SLC35F4: variants seen among roughly 807,000 people sequenced by gnomAD.
SLC35F4 encodes the protein solute carrier family 35 member F4.
SLC35F4 carries 24 observed loss-of-function variants against 44.2 expected under a neutral mutation model. The observed-to-expected ratio is 0.54, with a 90% CI of 0.39 to 0.76. SLC35F4 has a LOEUF of 0.76. Among genes scored for constraint, SLC35F4 ranks in the 30% least tolerant of loss-of-function variants. The probability of loss-of-function intolerance (pLI) is 0.00; values close to 1 mark genes in which losing one functional copy is unlikely to be tolerated. For missense variants in SLC35F4, 562 were observed against 586.1 expected (o/e 0.96, Z 0.42); for synonymous variants, 238 against 223.6 (o/e 1.06, Z -0.57).
At chr14:57,596,609 C>T (rs1043027295) in intron 1 of SLC35F4, 3 of 449,794 alleles carry the variant, frequency 6.7e-6, no homozygotes, top group African/African-American at 6.0e-5. Context: ...GGCAATTATA[C>T]ATCAAAAGGA....
intron 1 of SLC35F4, among the ~76,000 whole-genome samples, chr14:57,858,536 T>TG (rs1566909954): frequency 6.6e-6 from 1 of 151,484 alleles, no homozygotes; most frequent in African/African-American, 2.4e-5. Flanking sequence ...GTTGTGGGGT[T>TG]GGGGGAGTGG....
intron 1 of SLC35F4, among the ~76,000 whole-genome samples, chr14:57,970,005 G>C (rs1200049387): frequency 2.6e-5 from 4 of 152,102 alleles, no homozygotes. Context: ...CAGAAACTAG[G>C]CTTCAAATTA....
intron 4 of SLC35F4, among the ~76,000 whole-genome samples, chr14:57,575,388 G>C (rs2068729634): frequency 6.6e-6 from 1 of 152,152 alleles, no homozygotes; most frequent in African/African-American, 2.4e-5. Context: ...GGTTGAGGCA[G>C]GAGAATCTCT....
chr14:57,685,973 T>A (rs2140317156), intron 1 of SLC35F4, among the ~76,000 whole-genome samples: 1 of 152,204 alleles, frequency 6.6e-6, no homozygotes, highest in East Asian at 1.9e-4. Context: ...AGAGTAGGTC[T>A]GAGCAGATCT....
chr14:57,792,693 C>T (rs1184034751), intron 1 of SLC35F4, among the ~76,000 whole-genome samples: 1 of 152,086 alleles, frequency 6.6e-6, no homozygotes, highest in Admixed American at 6.6e-5. Context: ...AACCAAACAT[C>T]GTGTGTTCTC....
intron 1 of SLC35F4, among the ~76,000 whole-genome samples, chr14:57,980,163 T>G (rs1157416009): frequency 6.6e-6 from 1 of 152,168 alleles, no homozygotes. Context: ...GGGATCATAT[T>G]GTAATAATGT....
chr14:57,630,964 A>C (rs2072741785), intron 1 of SLC35F4: 11 of 502,362 alleles, frequency 2.2e-5, no homozygotes, highest in Non-Finnish European at 2.3e-5. Flanking sequence ...ATTTGGTGAA[A>C]AGATGTGGTT....
At chr14:57,571,231 G>C (rs1301023534) in intron 5 of SLC35F4, among the ~76,000 whole-genome samples, 1 of 152,166 alleles carries the variant, frequency 6.6e-6, no homozygotes, top group African/African-American at 2.4e-5. Context: ...TGCTCTCTTA[G>C]TGCTCACTTC....
intron 1 of SLC35F4, among the ~76,000 whole-genome samples, chr14:57,662,044 T>G (rs749919632): frequency 6.6e-5 from 10 of 152,170 alleles, no homozygotes; most frequent in Non-Finnish European, 8.8e-5. Flanking sequence ...AAACACTATT[T>G]TAAACATAGT....
intron 1 of SLC35F4, among the ~76,000 whole-genome samples, chr14:57,685,641 C>T (rs1026035097): frequency 6.6e-6 from 1 of 152,204 alleles, no homozygotes; most frequent in Non-Finnish European, 1.5e-5. Context: ...ACATCACACT[C>T]TCCTTAATTG....
chr14:57,753,334 C>A (rs1283066028), intron 1 of SLC35F4, among the ~76,000 whole-genome samples: 1 of 152,138 alleles, frequency 6.6e-6, no homozygotes. Context: ...TTGGATTCCC[C>A]AATACTTGGC....
intron 1 of SLC35F4, among the ~76,000 whole-genome samples, chr14:57,690,968 A>G (rs952571387): frequency 5.3e-5 from 8 of 152,142 alleles, no homozygotes; most frequent in Non-Finnish European, 7.4e-5. Context: ...TTGGTACGTA[A>G]CAGTCTAGAG....
chr14:57,751,185 GTTA>G (rs1170926733), intron 1 of SLC35F4, among the ~76,000 whole-genome samples: 2 of 152,144 alleles, frequency 1.3e-5, no homozygotes, highest in Admixed American at 1.3e-4. Flanking sequence ...GCTTAGGAAG[GTTA>G]TTTTTTCTGG....
At chr14:57,729,252 G>C (rs185311472) in intron 1 of SLC35F4, among the ~76,000 whole-genome samples, 35 of 152,110 alleles carry the variant, frequency 2.3e-4, no homozygotes, top group African/African-American at 8.4e-4. Flanking sequence ...GCTGGTATTT[G>C]GAGTACAAGA....
At chr14:57,875,957 T>C (rs1179170528) in intron 1 of SLC35F4, among the ~76,000 whole-genome samples, 1 of 152,210 alleles carries the variant, frequency 6.6e-6, no homozygotes. Context: ...GGTTCTAGAT[T>C]AGCAAAGCAA....
chr14:57,625,628 G>A (rs541063969), intron 1 of SLC35F4, among the ~76,000 whole-genome samples: 15 of 152,168 alleles, frequency 9.9e-5, no homozygotes, highest in Non-Finnish European at 1.9e-4. Flanking sequence ...ACAGAACAGA[G>A]CCCTCAGAAA....
chr14:57,687,518 T>C (rs2075102338), intron 1 of SLC35F4, among the ~76,000 whole-genome samples: 1 of 152,200 alleles, frequency 6.6e-6, no homozygotes, highest in South Asian at 2.1e-4. Flanking sequence ...TTAGAGCAAA[T>C]GAGCTCTTTT....
At chr14:57,652,730 A>G (rs929687614) in intron 1 of SLC35F4, among the ~76,000 whole-genome samples, 1 of 152,096 alleles carries the variant, frequency 6.6e-6, no homozygotes, top group African/African-American at 2.4e-5. Flanking sequence ...CCCCCACACA[A>G]AGAACTATCT....
At chr14:57,925,348 C>A (rs1889536019) in intron 1 of SLC35F4, among the ~76,000 whole-genome samples, 1 of 146,682 alleles carries the variant, frequency 6.8e-6, no homozygotes, top group South Asian at 2.2e-4. Context: ...ATGTGGAGCC[C>A]CAAATAATGA....
Sources: allele counts gnomAD v4.1 joint callset (sites outside exome capture counted in the v4.1 genomes callset), GRCh38; gene constraint gnomAD v4.1.1; transcripts MANE v1.5; gene names NCBI Gene and HGNC (gene_info 2026-07-23, HGNC 2026-07-21).